ARHGAP21: variants seen among roughly 807,000 people sequenced by gnomAD.
ARHGAP21 encodes Rho GTPase activating protein 21, also known as rho GTPase-activating protein 21.
ARHGAP21 carries 38 observed loss-of-function variants against 164.6 expected under a neutral mutation model. The observed-to-expected ratio is 0.23, with a 90% confidence interval of 0.18 to 0.30. The LOEUF (loss-of-function observed/expected upper bound fraction) is 0.30. Ranked by LOEUF, ARHGAP21 falls within the 10% of genes least tolerant of loss-of-function variation. The probability of loss-of-function intolerance (pLI) is 1.00; values close to 1 mark genes in which losing one functional copy is unlikely to be tolerated. For synonymous variants in ARHGAP21, 766 were observed against 857.9 expected (o/e 0.89, Z 1.87); for missense variants, 1,822 against 2,370.7 (o/e 0.77, Z 4.81).
Position 24,591,538 on chromosome 10 carries a change from G to C in ARHGAP21, c.4044+104C>G. ...TGAGCTAGAGACCTGCTTCCGGGGC[G>C]CAAAGCGGACAATAGCAAAGCAGGA... is the stretch of plus-strand genomic sequence containing the variant. On this transcript the variant is annotated intron_variant, in intron 23 of 25. Transcript: ENST00000396432. 2.1e-6 allele frequency: 3 copies of C among 1,431,850 alleles called. No individual in the cohort carries two copies. The South Asian group carries it at 3.5e-5, about 17-fold the overall frequency. 88.7% of individuals were successfully genotyped at this position (1,431,850 alleles called of 1,614,324 possible).
chr10:24,641,006 G>C (rs906306091), intron 4 of ARHGAP21, among the ~76,000 whole-genome samples: 4 of 152,110 alleles, frequency 2.6e-5, no homozygotes, highest in Non-Finnish European at 5.9e-5. Context: ...AGGTTATGAG[G>C]GGGTGGAGGT....
intron 19 of ARHGAP21, 145 bp downstream of exon 19, chr10:24,595,572 G>GT: frequency 1.3e-6 from 1 of 760,268 alleles, no homozygotes; most frequent in South Asian, 2.0e-5. Context: ...TAACTTTTAT[G>GT]TTTTTAATAT....
At chr10:24,648,743 C>T (rs947491272) in intron 4 of ARHGAP21, 1 of 921,256 alleles carries the variant, frequency 1.1e-6, no homozygotes, top group Non-Finnish European at 1.3e-6. Flanking sequence ...GGTGCCATCG[C>T]ACTCCAGCCT....
At chr10:24,626,411 T>A (rs932451039) in intron 7 of ARHGAP21, among the ~76,000 whole-genome samples, 7 of 152,160 alleles carry the variant, frequency 4.6e-5, no homozygotes, top group Admixed American at 2.0e-4. Flanking sequence ...GTAGACCTCA[T>A]GTATGAAATT....
rs79746098 is a variant in ARHGAP21, at chr10:24,713,169, T to C, written c.63+8668A>G. 8.3e-3 allele frequency among the ~76,000 whole-genome samples: 1,265 copies of C among 152,214 alleles called. 16 individuals are homozygous for C. Among genetic ancestry groups the C allele is most frequent in the African/African-American group, 0.028 (1,179 of 41,508 alleles). On this transcript the variant is annotated intron_variant, in intron 2 of 25. Coordinates refer to ENST00000396432, the MANE Select transcript of ARHGAP21 (RefSeq NM_020824.4). ...TAAGTCTTCTCAATATATTAATGAG[T>C]AGTGCAATGAACAAAAAAATAGAAC... is the stretch of plus-strand genomic sequence containing the variant.
At chr10:24,616,589 TG>T (rs1833970287) in intron 9 of ARHGAP21, among the ~76,000 whole-genome samples, 1 of 152,148 alleles carries the variant, frequency 6.6e-6, no homozygotes, top group Admixed American at 6.5e-5. Flanking sequence ...CAGCCAATGT[TG>T]GGGTAAGATG....
intron 2 of ARHGAP21, among the ~76,000 whole-genome samples, chr10:24,681,322 C>T (rs1038476627): frequency 3.3e-5 from 5 of 152,174 alleles, no homozygotes; most frequent in African/African-American, 4.8e-5. Flanking sequence ...TTTAGATAGA[C>T]ATGTTACATC....
At chr10:24,723,288 G>C (rs932332596) in intron 1 of ARHGAP21, 2 of 151,164 alleles carry the variant, frequency 1.3e-5, no homozygotes, top group African/African-American at 2.4e-5. Context: ...GGCCCCAGGC[G>C]CCCCTCCTCC....
At chr10:24,587,296 T>C (rs1443948258) in intron 25 of ARHGAP21, among the ~76,000 whole-genome samples, 2 of 152,150 alleles carry the variant, frequency 1.3e-5, no homozygotes, top group African/African-American at 2.4e-5. Flanking sequence ...TAATAGGTTC[T>C]TGATTGCAAC....
intron 4 of ARHGAP21, among the ~76,000 whole-genome samples, chr10:24,657,411 C>G (rs1398225739): frequency 1.7e-5 from 1 of 57,926 alleles, no homozygotes; most frequent in Non-Finnish European, 3.3e-5. Flanking sequence ...CCAGCCGCCC[C>G]GTCCGGGAGG....
At chr10:24,613,959 GGTGTGTGTCCATGGGCCAGTGTACAAGC>G (rs1370939252) in intron 9 of ARHGAP21, among the ~76,000 whole-genome samples, 1 of 152,120 alleles carries the variant, frequency 6.6e-6, no homozygotes, top group African/African-American at 2.4e-5. Flanking sequence ...TGGGGGTGAG[GGTGTGTGTCCATGGGCCAGTGTACAAGC>G]GTGTGTGTAT....
At chr10:24,671,121 TCTCACTTTC>T (rs1411496657) in intron 2 of ARHGAP21, among the ~76,000 whole-genome samples, 1 of 152,068 alleles carries the variant, frequency 6.6e-6, no homozygotes, top group East Asian at 1.9e-4. Flanking sequence ...CACCCCATGT[TCTCACTTTC>T]CTCTTAAGCC....
chr10:24,666,274 C>T (rs1840192446), intron 4 of ARHGAP21, among the ~76,000 whole-genome samples: 1 of 152,182 alleles, frequency 6.6e-6, no homozygotes, highest in Non-Finnish European at 1.5e-5. Flanking sequence ...TTGTGATCCA[C>T]CCGCCTCAGC....
At position 24,714,922 on chromosome 10, in the gene ARHGAP21, C is replaced by G. The variant is rs202147708; in HGVS notation, c.63+6915G>C. ...GCGGGCGCCTGTAGTCCCAGCTACT[C>G]GGGAGGCTGAGGCAGGAGAAAGGCA... On this transcript the variant is annotated intron_variant, in intron 2 of 25. Transcript: ENST00000396432. Among the ~76,000 whole-genome samples, 8 of 150,760 alleles carry G rather than the reference C, an allele frequency of 5.3e-5. No individual in the cohort carries two copies. In the East Asian group the frequency reaches 1.6e-3, roughly 29 times the overall value.
intron 2 of ARHGAP21, among the ~76,000 whole-genome samples, chr10:24,721,012 G>A (rs894643526): frequency 6.6e-6 from 1 of 150,594 alleles, no homozygotes; most frequent in Non-Finnish European, 1.5e-5. Flanking sequence ...AAAAAGGTGA[G>A]AGGCAACAGA....
chr10:24,670,891 C>A (rs1840636813), intron 2 of ARHGAP21, among the ~76,000 whole-genome samples: 1 of 152,154 alleles, frequency 6.6e-6, no homozygotes, highest in Admixed American at 6.6e-5. Context: ...ACATAGATAA[C>A]CCTTCTGATA....
At chr10:24,597,014 A>C in intron 16 of ARHGAP21, 132 bp from the exon 17 acceptor site, 1 of 943,766 alleles carries the variant, frequency 1.1e-6, no homozygotes, top group Non-Finnish European at 1.5e-6. Flanking sequence ...TCCTATATTT[A>C]ACAAAAATAT....
intron 25 of ARHGAP21, among the ~76,000 whole-genome samples, chr10:24,587,113 G>A (rs2076136125): frequency 6.6e-6 from 1 of 152,114 alleles, no homozygotes; most frequent in African/African-American, 2.4e-5. Context: ...GTAGTGCAGT[G>A]TTATTGGGAA....
chr10:24,646,755 T>C (rs1195777458), intron 4 of ARHGAP21, among the ~76,000 whole-genome samples: 4 of 152,128 alleles, frequency 2.6e-5, no homozygotes, highest in African/African-American at 4.8e-5. Context: ...AAAAAAATTT[T>C]AATAATAAAA....
Sources: allele counts gnomAD v4.1 joint callset (sites outside exome capture counted in the v4.1 genomes callset), GRCh38; gene constraint gnomAD v4.1.1; transcripts MANE v1.5; gene names NCBI Gene and HGNC (gene_info 2026-07-23, HGNC 2026-07-21).